ELAPOR1: variants seen among roughly 807,000 people sequenced by gnomAD.
ELAPOR1 encodes the protein endosome/lysosome-associated apoptosis and autophagy regulator 1.
In ELAPOR1, 77 loss-of-function variants were observed where a neutral mutation model predicts 119.7. That is an observed-to-expected ratio of 0.64 (90% CI 0.54 to 0.78). The LOEUF is 0.78. Among genes scored for constraint, ELAPOR1 ranks in the 30% least tolerant of loss-of-function variants. The pLI is 0.00. For missense variants in ELAPOR1, 1,115 were observed against 1,270.4 expected (o/e 0.88, Z 1.86); for synonymous variants, 481 against 487.2 (o/e 0.99, Z 0.17).
At chr1:109,165,697 T>C (rs1280751906) in intron 3 of ELAPOR1, among the ~76,000 whole-genome samples, 1 of 151,522 alleles carries the variant, frequency 6.6e-6, no homozygotes, top group Non-Finnish European at 1.5e-5. Flanking sequence ...GAACACAATA[T>C]GCAAAGCTTG....
At chr1:109,131,841 G>A (rs1649166964) in intron 1 of ELAPOR1, among the ~76,000 whole-genome samples, 1 of 152,072 alleles carries the variant, frequency 6.6e-6, no homozygotes, top group Non-Finnish European at 1.5e-5. Context: ...CATTGAAGAG[G>A]GACATTTGTG....
chr1:109,154,004 G>A (rs1037258688), intron 1 of ELAPOR1, among the ~76,000 whole-genome samples: 3 of 152,062 alleles, frequency 2.0e-5, no homozygotes, highest in African/African-American at 4.8e-5. Context: ...AAAAGGGGCC[G>A]GGTGCTGTGG....
At chr1:109,134,587 G>A (rs908510955) in intron 1 of ELAPOR1, among the ~76,000 whole-genome samples, 3 of 152,180 alleles carry the variant, frequency 2.0e-5, no homozygotes, top group African/African-American at 4.8e-5. Context: ...GCAGTGCCCC[G>A]TTGGCCTACT....
chr1:109,154,115 C>T (rs71655992), intron 1 of ELAPOR1, among the ~76,000 whole-genome samples: 1 of 151,420 alleles, frequency 6.6e-6, no homozygotes, highest in African/African-American at 2.4e-5. Context: ...AACCCCGTCT[C>T]TACTAAAAAT....
chr1:109,183,594 T>TTACCTCCCTCCC (rs1652869531), intron 7 of ELAPOR1, among the ~76,000 whole-genome samples: 1 of 122,998 alleles, frequency 8.1e-6, no homozygotes, highest in African/African-American at 2.9e-5. Context: ...CCTTCCTTCC[T>TTACCTCCCTCCC]TCCTTCCTTC....
At chr1:109,158,498 G>A (rs555444403) in intron 1 of ELAPOR1, among the ~76,000 whole-genome samples, 1 of 152,186 alleles carries the variant, frequency 6.6e-6, no homozygotes, top group East Asian at 1.9e-4. Context: ...GTGCCCAGGA[G>A]TATTACATGG....
chr1:109,154,001 G>A (rs1650698699), intron 1 of ELAPOR1, among the ~76,000 whole-genome samples: 1 of 152,114 alleles, frequency 6.6e-6, no homozygotes, highest in Non-Finnish European at 1.5e-5. Context: ...AAGAAAAGGG[G>A]CCGGGTGCTG....
chr1:109,180,336 C>T (rs945026791), intron 7 of ELAPOR1, among the ~76,000 whole-genome samples: 21 of 152,088 alleles, frequency 1.4e-4, no homozygotes, highest in Non-Finnish European at 2.8e-4. Context: ...GCCTCCGTTT[C>T]TTTGTCTATA....
intron 1 of ELAPOR1, among the ~76,000 whole-genome samples, chr1:109,154,966 C>T (rs1650778186): frequency 6.6e-6 from 1 of 152,174 alleles, no homozygotes; most frequent in Non-Finnish European, 1.5e-5. Context: ...GGGCAAGCAA[C>T]AGCTTGCAAT....
intron 17 of ELAPOR1, among the ~76,000 whole-genome samples, 156 bp downstream of exon 17, chr1:109,198,231 T>C (rs1384536060): frequency 6.6e-6 from 1 of 151,920 alleles, no homozygotes; most frequent in Non-Finnish European, 1.5e-5. Context: ...GGGCTGGGAG[T>C]TCCTGATCCC....
chr1:109,147,799 ATTTAC>A (rs957220028), intron 1 of ELAPOR1, among the ~76,000 whole-genome samples: 5 of 150,808 alleles, frequency 3.3e-5, no homozygotes, highest in Admixed American at 2.0e-4. Context: ...TTTTATTTTT[ATTTAC>A]TTTATTTTAT....
chr1:109,126,857 G>A (rs182890642), intron 1 of ELAPOR1, among the ~76,000 whole-genome samples: 178 of 152,310 alleles, frequency 1.2e-3, no homozygotes, highest in African/African-American at 4.1e-3. Context: ...TGAGGAAGGC[G>A]AAGAGTGCTG....
chr1:109,139,222 C>T (rs1008792522), intron 1 of ELAPOR1, among the ~76,000 whole-genome samples: 13 of 151,934 alleles, frequency 8.6e-5, no homozygotes, highest in Admixed American at 2.6e-4. Context: ...GTGGTGGCAA[C>T]GCCTGTAGTC....
At chr1:109,185,548 C>T (rs908385047) in intron 8 of ELAPOR1, among the ~76,000 whole-genome samples, 4 of 152,180 alleles carry the variant, frequency 2.6e-5, no homozygotes, top group South Asian at 4.1e-4. Flanking sequence ...TGACTTGTTC[C>T]GTTTCTGCTG....
In ELAPOR1 at chr1:109,164,521, G is replaced by A; in HGVS notation, c.297G>A (p.Glu99=). 1 of 1,612,858 alleles carries A rather than the reference G, an allele frequency of 6.2e-7. No individual in the cohort carries two copies. Among genetic ancestry groups the A allele is most frequent in the Non-Finnish European group, 8.5e-7 (1 of 1,178,978 alleles). The change falls in exon 3 of 22, where the codon GAG becomes GAA. Residue 99 remains glutamate, a synonymous_variant. Coordinates refer to ENST00000369939, the MANE Select transcript of ELAPOR1 (RefSeq NM_020775.5). Reference sequence around the variant, plus strand: ...CAGCCTTCTCCTGCAACGCCGGGGAGTTTCTGGATATGAAGGACCAGTCAT... The same window carrying A: ...CAGCCTTCTCCTGCAACGCCGGGGAATTTCTGGATATGAAGGACCAGTCAT... ...TECSFSCNAG[E]FLDMKDQSCK...
intron 1 of ELAPOR1, among the ~76,000 whole-genome samples, chr1:109,140,664 G>A (rs1018008468): frequency 2.6e-5 from 4 of 152,148 alleles, no homozygotes; most frequent in African/African-American, 9.7e-5. Flanking sequence ...ATAGAAAATA[G>A]ATAGATCTCA....
chr1:109,168,661 T>C (rs1651742388), intron 3 of ELAPOR1, among the ~76,000 whole-genome samples: 1 of 152,050 alleles, frequency 6.6e-6, no homozygotes, highest in South Asian at 2.1e-4. Context: ...CCAAAGACTG[T>C]GACAGTGAAA....
At chr1:109,127,391 A>G (rs1648852093) in intron 1 of ELAPOR1, among the ~76,000 whole-genome samples, 1 of 150,684 alleles carries the variant, frequency 6.6e-6, no homozygotes, top group South Asian at 2.1e-4. Flanking sequence ...ATTTTTTTGT[A>G]TTTTAGTAGA....
intron 1 of ELAPOR1, among the ~76,000 whole-genome samples, chr1:109,156,896 A>G (rs1650910444): frequency 6.6e-6 from 1 of 152,154 alleles, no homozygotes; most frequent in South Asian, 2.1e-4. Flanking sequence ...TGACAATCCC[A>G]TCAAGACTCT....
Sources: gnomAD v4.1 joint callset for allele counts (sites outside exome capture counted in the v4.1 genomes callset) on GRCh38, gnomAD v4.1.1 for gene constraint, MANE v1.5 for transcripts, NCBI Gene and HGNC (gene_info 2026-07-23, HGNC 2026-07-21) for gene names.